EXOC4: variants seen among roughly 807,000 people sequenced by gnomAD.
The protein encoded by EXOC4 is exocyst complex component 4, also known as SEC8-like 1.
In EXOC4, 71 loss-of-function variants were observed where a neutral mutation model predicts 107.2. The observed-to-expected ratio is 0.66, with a 90% CI of 0.55 to 0.81. The LOEUF (loss-of-function observed/expected upper bound fraction) is 0.81, where lower values mean the gene tolerates loss of function less well. EXOC4 is among the 30% of genes least tolerant of loss of function. EXOC4 has a pLI of 0.00. For missense variants in EXOC4, 1,108 were observed against 1,189.6 expected (o/e 0.93, Z 1.01); for synonymous variants, 456 against 441.2 (o/e 1.03, Z -0.42).
chr7:133,849,059 TCTGGAA>T, intron 11 of EXOC4, among the ~76,000 whole-genome samples: 1 of 152,314 alleles, frequency 6.6e-6, no homozygotes, highest in South Asian at 2.1e-4. Flanking sequence ...GCCTTGAGAC[TCTGGAA>T]GAAATGTACA....
intron 11 of EXOC4, among the ~76,000 whole-genome samples, chr7:133,824,268 C>T (rs1797645536): frequency 6.6e-6 from 1 of 151,926 alleles, no homozygotes; most frequent in South Asian, 2.1e-4. Context: ...GATGTGTTAC[C>T]TGCCTGGCCC....
chr7:133,464,543 T>C (rs1463474615), intron 7 of EXOC4, among the ~76,000 whole-genome samples: 2 of 152,086 alleles, frequency 1.3e-5, no homozygotes, highest in Admixed American at 6.5e-5. Flanking sequence ...TTGGAGGAGA[T>C]AAAACATTGT....
intron 10 of EXOC4, among the ~76,000 whole-genome samples, chr7:133,816,947 CT>C (rs1040053198): frequency 1.3e-5 from 2 of 152,136 alleles, no homozygotes; most frequent in Admixed American, 1.3e-4. Context: ...AGGGGGACCC[CT>C]GATGTAAAGG....
At chr7:133,689,582 G>A (rs574943186) in intron 10 of EXOC4, among the ~76,000 whole-genome samples, 1 of 152,300 alleles carries the variant, frequency 6.6e-6, no homozygotes, top group South Asian at 2.1e-4. Flanking sequence ...AAACACGGAA[G>A]GCAGGGATTA....
chr7:133,382,996 CA>C (rs2150703893), intron 7 of EXOC4, among the ~76,000 whole-genome samples: 1 of 152,284 alleles, frequency 6.6e-6, no homozygotes, highest in African/African-American at 2.4e-5. Context: ...TGTGACCACA[CA>C]CCATTGCACT....
At chr7:134,099,160 A>G in the EXOC4 span, among the ~76,000 whole-genome samples, 1 of 152,168 alleles carries the variant, frequency 6.6e-6, no homozygotes, top group East Asian at 1.9e-4. Context: ...ATGAGGTCAT[A>G]CTGGAGTAAG....
At chr7:133,907,375 TA>T (rs34767758) in intron 12 of EXOC4, among the ~76,000 whole-genome samples, 5 of 151,710 alleles carry the variant, frequency 3.3e-5, no homozygotes, top group African/African-American at 4.9e-5. Flanking sequence ...TGTCTTTCTT[TA>T]AAAAAAATAT....
At chr7:133,394,734 G>T (rs760128300) in intron 7 of EXOC4, among the ~76,000 whole-genome samples, 1 of 152,116 alleles carries the variant, frequency 6.6e-6, no homozygotes, top group East Asian at 1.9e-4. Flanking sequence ...CATTAGAGAT[G>T]CAAGAATCAA....
intron 7 of EXOC4, among the ~76,000 whole-genome samples, chr7:133,466,445 A>T (rs1204629323): frequency 2.6e-5 from 4 of 152,190 alleles, no homozygotes; most frequent in African/African-American, 9.6e-5. Context: ...TGATATGCCA[A>T]TCAGACGATG....
chr7:134,031,792 A>G (rs1795277103), intron 17 of EXOC4, among the ~76,000 whole-genome samples: 1 of 152,246 alleles, frequency 6.6e-6, no homozygotes, highest in Non-Finnish European at 1.5e-5. Context: ...TGAAGTTAAG[A>G]AGAGCTAAAG....
intron 12 of EXOC4, among the ~76,000 whole-genome samples, chr7:133,897,093 A>G (rs1434062475): frequency 2.0e-5 from 3 of 151,236 alleles, no homozygotes; most frequent in Admixed American, 6.6e-5. Flanking sequence ...TAAAAAAATA[A>G]CATTCTGAAA....
At chr7:133,263,374 CTTTTTTTTTT>C (rs920302686) in intron 1 of EXOC4, among the ~76,000 whole-genome samples, 2 of 83,974 alleles carry the variant, frequency 2.4e-5, no homozygotes, top group Non-Finnish European at 4.5e-5. Context: ...AAAAAGCATT[CTTTTTTTTTT>C]TTTTTTTTTT....
At chr7:134,062,308 A>G (rs1241832273) in intron 17 of EXOC4, among the ~76,000 whole-genome samples, 1 of 152,228 alleles carries the variant, frequency 6.6e-6, no homozygotes, top group Non-Finnish European at 1.5e-5. Flanking sequence ...AAAAGAAGCT[A>G]ACCGTGTGAA....
At chr7:133,505,428 A>G (rs1462279128) in intron 9 of EXOC4, among the ~76,000 whole-genome samples, 1 of 152,044 alleles carries the variant, frequency 6.6e-6, no homozygotes, top group East Asian at 1.9e-4. Context: ...TTTGAATTGT[A>G]TGATTTTTGC....
chr7:134,067,249 A>G (rs897549234), downstream of EXOC4, among the ~76,000 whole-genome samples: 61 of 152,034 alleles, frequency 4.0e-4, no homozygotes, highest in African/African-American at 1.4e-3. Flanking sequence ...ATACAGAGGT[A>G]CAAATGGGAG....
chr7:133,941,821 T>TCTCTCTCTCTCTCTCTCTCTCTC (rs373451017), intron 14 of EXOC4, among the ~76,000 whole-genome samples: 3 of 129,544 alleles, frequency 2.3e-5, no homozygotes, highest in Non-Finnish European at 3.4e-5. Flanking sequence ...TGCTTACAGA[T>TCTCTCTCTCTCTCTCTCTCTCTC]TCTCTCTCTC....
intron 11 of EXOC4, among the ~76,000 whole-genome samples, chr7:133,879,502 A>G (rs1798920118): frequency 6.6e-6 from 1 of 152,250 alleles, no homozygotes; most frequent in South Asian, 2.1e-4. Flanking sequence ...CTTGAAAGAT[A>G]GCACAAATGC....
At chr7:133,800,103 CAT>C (rs1479660408) in intron 10 of EXOC4, among the ~76,000 whole-genome samples, 1 of 121,108 alleles carries the variant, frequency 8.3e-6, no homozygotes, top group African/African-American at 3.1e-5. Flanking sequence ...TACAGTCAAA[CAT>C]ATCACTTCCC....
At chr7:133,463,251 C>T (rs957753660) in intron 7 of EXOC4, among the ~76,000 whole-genome samples, 1 of 152,104 alleles carries the variant, frequency 6.6e-6, no homozygotes, top group Non-Finnish European at 1.5e-5. Flanking sequence ...ATTTTGATCC[C>T]AGGTGATCAG....
Sources: gnomAD v4.1 joint callset for allele counts (sites outside exome capture counted in the v4.1 genomes callset) on GRCh38, gnomAD v4.1.1 for gene constraint, MANE v1.5 for transcripts, NCBI Gene and HGNC (gene_info 2026-07-23, HGNC 2026-07-21) for gene names.